THNSL1: variants seen among roughly 807,000 people sequenced by gnomAD.
THNSL1 encodes the protein threonine synthase like 1.
In THNSL1, 48 loss-of-function variants were observed where a neutral mutation model predicts 50.4. That is an observed-to-expected ratio of 0.95 (90% CI 0.76 to 1.21). THNSL1 has a LOEUF of 1.21. Ranked by LOEUF, THNSL1 falls within the 50% of genes most tolerant of loss-of-function variation. THNSL1 has a pLI of 0.00. For missense variants in THNSL1, 896 were observed against 871.7 expected, an observed-to-expected ratio of 1.03 and a Z score of -0.35; for synonymous variants, 309 against 306.1, an observed-to-expected ratio of 1.01 and a Z score of -0.10.
chr10:25,015,310 C>T (rs1488440201), upstream of THNSL1, among the ~76,000 whole-genome samples: 1 of 152,150 alleles, frequency 6.6e-6, no homozygotes, highest in East Asian at 1.9e-4. Flanking sequence ...ACCATTAGAT[C>T]TGAAAAAGTC....
the THNSL1 span, among the ~76,000 whole-genome samples, chr10:25,005,783 T>C: frequency 6.6e-6 from 1 of 152,224 alleles, no homozygotes; most frequent in African/African-American, 2.4e-5. Context: ...CTGCACTTAC[T>C]TGACAACACA....
In THNSL1 at chr10:25,025,435, G is replaced by C; in HGVS notation, c.2212G>C (p.Val738Leu). 1 of 1,602,958 alleles carries C rather than the reference G, an allele frequency of 6.2e-7. No homozygotes were observed. Among genetic ancestry groups the C allele is most frequent in the East Asian group, 2.2e-5 (1 of 44,784 alleles). ...NVLKSHVEQL[V>L]QNQFI is the part of the protein sequence containing the mutation. Reference sequence around the variant, plus strand: ...CTTGAAGAGTCATGTGGAACAACTTGTCCAAAATCAATTCATATGAAAGCT... The same window carrying C: ...CTTGAAGAGTCATGTGGAACAACTTCTCCAAAATCAATTCATATGAAAGCT... The change falls in exon 3 of 3, where the codon GTC becomes CTC. Residue 738 changes from valine (V) to leucine (L), a missense_variant. Val to Leu is a conservative substitution (Grantham distance 32). Coordinates refer to ENST00000376356, the MANE Select transcript of THNSL1 (RefSeq NM_024838.5).
upstream of THNSL1, among the ~76,000 whole-genome samples, chr10:25,015,002 T>G (rs141376110): frequency 1.3e-5 from 2 of 152,350 alleles, no homozygotes; most frequent in East Asian, 3.9e-4. Flanking sequence ...CTAGGCCCGA[T>G]TTTTAGTCCA....
chr10:24,959,934 C>G, the THNSL1 span, among the ~76,000 whole-genome samples: 2 of 152,150 alleles, frequency 1.3e-5, no homozygotes, highest in Admixed American at 6.6e-5. Context: ...CCTTTCTCAT[C>G]TTGTGAAATA....
chr10:24,954,021 G>C, the THNSL1 span, among the ~76,000 whole-genome samples: 1 of 152,170 alleles, frequency 6.6e-6, no homozygotes, highest in Non-Finnish European at 1.5e-5. Context: ...TTTTCTCCTA[G>C]TAATTGTGAG....
At chr10:24,998,273 TTTTTCTTTTC>T in the THNSL1 span, among the ~76,000 whole-genome samples, 1 of 151,880 alleles carries the variant, frequency 6.6e-6, no homozygotes, top group South Asian at 2.1e-4. Context: ...ACTCGTTTCT[TTTTTCTTTTC>T]TTTTCTTTTC....
the THNSL1 span, among the ~76,000 whole-genome samples, chr10:24,966,734 A>G: frequency 6.6e-6 from 1 of 152,190 alleles, no homozygotes; most frequent in Non-Finnish European, 1.5e-5. Context: ...CAACACCTCT[A>G]TTATGAATTA....
Position 25,025,403 on chromosome 10 carries a change from T to C in THNSL1, c.2180T>C (p.Met727Thr), listed in dbSNP as rs765473615. The C allele has an allele frequency of 1.8e-5, 29 of 1,613,976 alleles. No individual in the cohort carries two copies. The highest frequency in any genetic ancestry group is 1.6e-4 in the Middle Eastern group (1 of 6,084). ...GAGTACCAGGTCTGTGCAGCTGATA[T>C]GAATGTCTTGAAGAGTCATGTGGAA... ...KMEYQVCAAD[M>T]NVLKSHVEQL... Residue 727 changes from methionine to threonine, a missense_variant, in exon 3 of 3, where the codon ATG (methionine) becomes ACG (threonine). Transcript: ENST00000376356.
chr10:25,020,496 G>A (rs1272707498), intron 1 of THNSL1, among the ~76,000 whole-genome samples: 1 of 152,126 alleles, frequency 6.6e-6, no homozygotes, highest in Admixed American at 6.5e-5. Context: ...GGCCAGTATG[G>A]TGGTTCATGC....
the THNSL1 span, among the ~76,000 whole-genome samples, chr10:24,971,303 C>CAGGT: frequency 0.046 from 6,949 of 152,160 alleles, 472 homozygotes; most frequent in African/African-American, 0.15. Flanking sequence ...CAGGTTGCCA[C>CAGGT]TATGTTACAC....
the THNSL1 span, among the ~76,000 whole-genome samples, chr10:24,973,802 G>A: frequency 6.6e-6 from 1 of 152,078 alleles, no homozygotes; most frequent in Admixed American, 6.6e-5. Context: ...CGCCCAGGCT[G>A]GAGTGAAGTG....
chr10:24,965,201 G>T, the THNSL1 span, among the ~76,000 whole-genome samples: 2 of 152,148 alleles, frequency 1.3e-5, no homozygotes, highest in African/African-American at 4.8e-5. Flanking sequence ...GTGATCTTGG[G>T]ACTCACAACC....
chr10:25,018,692 T>C (rs976706582), intron 1 of THNSL1, among the ~76,000 whole-genome samples: 4 of 151,264 alleles, frequency 2.6e-5, no homozygotes, highest in African/African-American at 9.7e-5. Context: ...GAAGGATTAT[T>C]TTAATCTATT....
chr10:24,998,786 A>G, the THNSL1 span, among the ~76,000 whole-genome samples: 1 of 152,152 alleles, frequency 6.6e-6, no homozygotes, highest in African/African-American at 2.4e-5. Context: ...CCCAGTAAAA[A>G]ATAAAAACAC....
At position 25,025,665 on chromosome 10, in the gene THNSL1, C is replaced by T. The variant is rs528915122; in HGVS notation, c.*210C>T. ...GGAAGTGACAAAAGGTAACACAGTG[C>T]ACGGACCTTTGAGCTATCATACTTT... On this transcript the variant is annotated 3_prime_UTR_variant, in exon 3 of 3. Transcript: ENST00000376356. The T allele has an allele frequency of 1.8e-5, 10 of 547,400 alleles. No individual in the cohort carries two copies. The highest frequency in any genetic ancestry group is 2.9e-5 in the Non-Finnish European group (9 of 305,628). 33.9% of individuals were successfully genotyped at this position (547,400 alleles called of 1,614,324 possible).
chr10:25,008,469 G>T, the THNSL1 span, among the ~76,000 whole-genome samples: 1 of 152,146 alleles, frequency 6.6e-6, no homozygotes, highest in African/African-American at 2.4e-5. Flanking sequence ...TTTAAACAAA[G>T]AGATGTTATA....
At chr10:24,984,995 T>A in the THNSL1 span, 1 of 1,000,996 alleles carries the variant, frequency 1.0e-6, no homozygotes. Flanking sequence ...AAAATGTCAA[T>A]AAGTAAAAGA....
chr10:24,975,271 T>C, the THNSL1 span, among the ~76,000 whole-genome samples: 2 of 152,330 alleles, frequency 1.3e-5, no homozygotes, highest in African/African-American at 4.8e-5. Flanking sequence ...GTCCTCAGTA[T>C]TGGCCTCAGA....
chr10:24,975,557 C>G, the THNSL1 span, among the ~76,000 whole-genome samples: 1 of 152,082 alleles, frequency 6.6e-6, no homozygotes, highest in Non-Finnish European at 1.5e-5. Flanking sequence ...ATGCTTTCCC[C>G]CATGCTGTTA....
Sources: allele counts gnomAD v4.1 joint callset (sites outside exome capture counted in the v4.1 genomes callset), GRCh38; gene constraint gnomAD v4.1.1; transcripts MANE v1.5; gene names NCBI Gene and HGNC (gene_info 2026-07-23, HGNC 2026-07-21).